Variants in PRKG1 observed in about 807,000 individuals in gnomAD.
The protein encoded by PRKG1 is cGMP-dependent protein kinase 1.
PRKG1 carries 35 observed loss-of-function variants against 88.1 expected under a neutral mutation model. That is an observed-to-expected ratio of 0.40 (90% CI 0.30 to 0.53). The LOEUF is 0.53. PRKG1 is among the 20% of genes least tolerant of loss of function. PRKG1 has a pLI of 0.59. For synonymous variants in PRKG1, 303 were observed against 292.5 expected (o/e 1.04, Z -0.37); for missense variants, 540 against 839.8 (o/e 0.64, Z 4.41).
chr10:51,198,551 T>C (rs1245229501), intron 2 of PRKG1, among the ~76,000 whole-genome samples: 1 of 152,238 alleles, frequency 6.6e-6, no homozygotes, highest in African/African-American at 2.4e-5. Context: ...GTTGTATTTC[T>C]AGAGCAGTGC....
chr10:51,873,298 A>C (rs1252495651), intron 4 of PRKG1, among the ~76,000 whole-genome samples: 2 of 152,040 alleles, frequency 1.3e-5, no homozygotes, highest in Non-Finnish European at 2.9e-5. Context: ...TTTAATCTTT[A>C]TTTACCAAAG....
intron 3 of PRKG1, among the ~76,000 whole-genome samples, chr10:51,786,772 T>C (rs1455992614): frequency 6.6e-6 from 1 of 152,184 alleles, no homozygotes; most frequent in African/African-American, 2.4e-5. Context: ...ACTTTCAAGC[T>C]TTACTTGTGA....
Position 52,036,258 on chromosome 10 carries a change from G to T in PRKG1, c.763-18226G>T, listed in dbSNP as rs570093938. On this transcript the variant is annotated intron_variant, in intron 5 of 17. Coordinates refer to ENST00000373980, the MANE Select transcript of PRKG1 (RefSeq NM_006258.4). The stretch of plus-strand genomic sequence containing the variant: ...GTAAAGAAAGCATGTTTGAGATCTA[G>T]AACAGAATAATAGGTTATAGAGGCA... Among the ~76,000 whole-genome samples, 185 of 152,056 alleles carry T rather than the reference G, an allele frequency of 1.2e-3. 1 individual carries two copies. The highest frequency in any genetic ancestry group is 4.3e-3 in the African/African-American group (179 of 41,454).
At chr10:52,210,857 A>T (rs1336638038) in intron 9 of PRKG1, among the ~76,000 whole-genome samples, 1 of 152,236 alleles carries the variant, frequency 6.6e-6, no homozygotes, top group Non-Finnish European at 1.5e-5. Context: ...AATTCATAAC[A>T]TAATTGCATA....
chr10:51,254,314 C>A (rs1704839782), intron 2 of PRKG1, among the ~76,000 whole-genome samples: 1 of 151,876 alleles, frequency 6.6e-6, no homozygotes, highest in South Asian at 2.1e-4. Flanking sequence ...ATATTGTTAT[C>A]CAATGTATAC....
At chr10:52,076,534 G>A (rs1846633561) in intron 7 of PRKG1, among the ~76,000 whole-genome samples, 4 of 152,202 alleles carry the variant, frequency 2.6e-5, no homozygotes, top group Admixed American at 2.6e-4. Context: ...TCCAGCCTGG[G>A]CAACAGAGCA....
intron 4 of PRKG1, among the ~76,000 whole-genome samples, chr10:51,807,059 T>C (rs1839326441): frequency 6.6e-6 from 1 of 152,220 alleles, no homozygotes; most frequent in Non-Finnish European, 1.5e-5. Context: ...TTTATTGTAA[T>C]TTGACCTTAA....
chr10:51,374,615 C>A (rs1207728790), intron 2 of PRKG1, among the ~76,000 whole-genome samples: 1 of 152,120 alleles, frequency 6.6e-6, no homozygotes, highest in South Asian at 2.1e-4. Flanking sequence ...GAGGACCCAG[C>A]ATTCCTCCCC....
chr10:52,081,363 C>A (rs1846770266), intron 7 of PRKG1, among the ~76,000 whole-genome samples: 1 of 152,046 alleles, frequency 6.6e-6, no homozygotes, highest in Admixed American at 6.6e-5. Flanking sequence ...GCTTACCATG[C>A]AGGGTTCATA....
intron 3 of PRKG1, among the ~76,000 whole-genome samples, chr10:51,595,402 G>A (rs948918169): frequency 2.0e-5 from 3 of 152,144 alleles, no homozygotes; most frequent in African/African-American, 7.2e-5. Context: ...GTCAAGGCAG[G>A]CAGATCACTT....
chr10:51,129,532 G>A (rs1323020057), intron 1 of PRKG1, among the ~76,000 whole-genome samples: 1 of 151,880 alleles, frequency 6.6e-6, no homozygotes, highest in Non-Finnish European at 1.5e-5. Context: ...AAGCCTTGAA[G>A]TCTAATTTGT....
chr10:52,254,657 T>C (rs1841265300), intron 10 of PRKG1, among the ~76,000 whole-genome samples: 1 of 152,038 alleles, frequency 6.6e-6, no homozygotes, highest in Admixed American at 6.6e-5. Flanking sequence ...TGTGTGAAGG[T>C]AGTTACACCC....
intron 7 of PRKG1, among the ~76,000 whole-genome samples, chr10:52,119,033 G>A (rs1024963487): frequency 5.3e-5 from 8 of 151,510 alleles, no homozygotes; most frequent in Admixed American, 6.6e-5. Context: ...TAAAGTGATC[G>A]TGCTTGATTT....
chr10:52,289,133 A>G (rs531456987), intron 16 of PRKG1, 140 bp downstream of exon 16: 2 of 744,372 alleles, frequency 2.7e-6, no homozygotes, highest in African/African-American at 3.6e-5. Context: ...AGGCTTTTAA[A>G]TGCCTTTCTA....
intron 9 of PRKG1, among the ~76,000 whole-genome samples, chr10:52,236,614 C>T: frequency 1.1e-5 from 1 of 87,794 alleles, no homozygotes; most frequent in Non-Finnish European, 2.1e-5. Flanking sequence ...AAGACTAAAC[C>T]AGGAAGAAGT....
chr10:51,459,520 A>C (rs1032701185), intron 2 of PRKG1, among the ~76,000 whole-genome samples: 3 of 152,190 alleles, frequency 2.0e-5, no homozygotes, highest in Non-Finnish European at 4.4e-5. Context: ...TATAAGAAAG[A>C]AAATTTTCTC....
chr10:52,111,951 G>A (rs1847574449), intron 7 of PRKG1, among the ~76,000 whole-genome samples: 2 of 152,118 alleles, frequency 1.3e-5, no homozygotes, highest in African/African-American at 4.8e-5. Context: ...TTTAAATAAA[G>A]GATTAAAATA....
chr10:51,977,559 T>A lies in PRKG1; in HGVS notation c.762+69989T>A, dbSNP rs1463147113. Reference sequence around the variant, plus strand: ...GGAATTGCCACACTGTTTTATACAATAGTTGAATTAATTTACATTCCCACC... The same window carrying A: ...GGAATTGCCACACTGTTTTATACAAAAGTTGAATTAATTTACATTCCCACC... On this transcript the variant is annotated intron_variant, in intron 5 of 17. Coordinates refer to ENST00000373980, the MANE Select transcript of PRKG1 (RefSeq NM_006258.4). 2.0e-5 allele frequency among the ~76,000 whole-genome samples: 3 copies of A among 152,112 alleles called. No individual in the cohort carries two copies. In the East Asian group the frequency reaches 5.8e-4, roughly 29 times the overall value.
chr10:52,160,864 T>C (rs1002478850), intron 8 of PRKG1, among the ~76,000 whole-genome samples: 20 of 152,092 alleles, frequency 1.3e-4, no homozygotes, highest in Non-Finnish European at 2.2e-4. Context: ...ACTCATAGTA[T>C]TTCAAAATAA....
Sources: gnomAD v4.1 joint callset for allele counts (sites outside exome capture counted in the v4.1 genomes callset) on GRCh38, gnomAD v4.1.1 for gene constraint, MANE v1.5 for transcripts, NCBI Gene and HGNC (gene_info 2026-07-23, HGNC 2026-07-21) for gene names.